ZHX3: variants seen among roughly 807,000 people sequenced by gnomAD.
ZHX3 encodes the protein zinc fingers and homeoboxes protein 3.
In ZHX3, 20 loss-of-function variants were observed where a neutral mutation model predicts 64.5. The ratio of observed to expected loss-of-function variants is 0.31; its 90% CI spans 0.22 to 0.45. ZHX3 has a LOEUF of 0.45. Ranked by LOEUF, ZHX3 falls within the 20% of genes least tolerant of loss-of-function variation. The probability of loss-of-function intolerance (pLI) is 1.00; values close to 1 mark genes in which losing one functional copy is unlikely to be tolerated. For synonymous variants in ZHX3, 423 were observed against 461.6 expected, an observed-to-expected ratio of 0.92 and a Z score of 1.07; for missense variants, 1,041 against 1,195.8, an observed-to-expected ratio of 0.87 and a Z score of 1.91.
chr20:41,314,489 A>G (rs2045232981), intron 1 of ZHX3, among the ~76,000 whole-genome samples: 1 of 152,212 alleles, frequency 6.6e-6, no homozygotes, highest in Non-Finnish European at 1.5e-5. Flanking sequence ...AAACCCCACT[A>G]TGCTCTTGAG....
chr20:41,229,643 T>C (rs1417517721), intron 2 of ZHX3, among the ~76,000 whole-genome samples: 1 of 152,182 alleles, frequency 6.6e-6, no homozygotes, highest in African/African-American at 2.4e-5. Flanking sequence ...TTGATTTGTA[T>C]TGCCTAATTA....
chr20:41,293,519 G>A (rs1057036616), intron 1 of ZHX3, among the ~76,000 whole-genome samples: 1 of 151,902 alleles, frequency 6.6e-6, no homozygotes, highest in Non-Finnish European at 1.5e-5. Flanking sequence ...AGCTGATCAC[G>A]TAAAAGAATA....
intron 3 of ZHX3, among the ~76,000 whole-genome samples, chr20:41,191,097 C>T (rs1231209434): frequency 6.6e-6 from 1 of 152,160 alleles, no homozygotes; most frequent in Non-Finnish European, 1.5e-5. Flanking sequence ...AAGTTTTCAC[C>T]TATTAATATT....
chr20:41,315,080 A>AAC (rs1428497470), intron 1 of ZHX3, among the ~76,000 whole-genome samples: 2 of 152,354 alleles, frequency 1.3e-5, no homozygotes, highest in African/African-American at 4.8e-5. Flanking sequence ...CAGACAACCT[A>AAC]ACTTTTGAGC....
At chr20:41,263,283 G>A (rs1232440191) in intron 2 of ZHX3, among the ~76,000 whole-genome samples, 1 of 151,720 alleles carries the variant, frequency 6.6e-6, no homozygotes, top group Non-Finnish European at 1.5e-5. Flanking sequence ...AGAAATTATA[G>A]ACCACGAAAA....
chr20:41,209,521 A>T (rs1333133144), intron 2 of ZHX3, among the ~76,000 whole-genome samples: 3 of 152,222 alleles, frequency 2.0e-5, no homozygotes, highest in African/African-American at 7.2e-5. Flanking sequence ...AACAGAACAG[A>T]GCCCTCGGAA....
Position 41,204,245 on chromosome 20 carries a change from C to T in ZHX3, c.672G>A (p.Glu224=). 6.2e-7 allele frequency: 1 copy of T among 1,614,082 alleles called. No individual in the cohort carries two copies. The highest frequency in any genetic ancestry group is 2.2e-5 in the East Asian group (1 of 44,878). ...TGAAGGAATGGTCCCCCTCTCTCAC[C>T]TCCATTTCTCCAGTCGACAGCTTTG... The part of the protein sequence containing the change: ...ALPKLSTGEM[E]VREGDHSFIN... The change falls in exon 3 of 4, where the codon GAG becomes GAA. Residue 224 remains glutamate (E), a synonymous_variant. Coordinates refer to ENST00000683867, the MANE Select transcript of ZHX3 (RefSeq NM_001384317.1). This position sits in a 1 kb window ranked among gnomAD's most constrained non-coding sequence, Gnocchi z 6.6.
intron 2 of ZHX3, among the ~76,000 whole-genome samples, chr20:41,210,501 G>A (rs1407602220): frequency 6.6e-6 from 1 of 152,160 alleles, no homozygotes; most frequent in African/African-American, 2.4e-5. Flanking sequence ...TATACACCAT[G>A]GAATACTATG....
chr20:41,241,556 T>C (rs1346193310), intron 2 of ZHX3, among the ~76,000 whole-genome samples: 3 of 152,218 alleles, frequency 2.0e-5, no homozygotes, highest in African/African-American at 7.2e-5. Context: ...CCTGTGCTTG[T>C]CCAGGTATTA....
intron 3 of ZHX3, among the ~76,000 whole-genome samples, chr20:41,199,892 G>T (rs562216635): frequency 2.6e-5 from 4 of 152,032 alleles, no homozygotes; most frequent in African/African-American, 9.6e-5. Context: ...ATAGAGACAG[G>T]GTTTTACCAT....
intron 2 of ZHX3, among the ~76,000 whole-genome samples, chr20:41,215,211 C>G (rs2039432272): frequency 6.6e-6 from 1 of 151,872 alleles, no homozygotes; most frequent in Non-Finnish European, 1.5e-5. Context: ...GAGCCAAGAT[C>G]GCACCACTGC....
chr20:41,253,611 G>A (rs751786914), intron 2 of ZHX3, among the ~76,000 whole-genome samples: 3 of 152,046 alleles, frequency 2.0e-5, no homozygotes, highest in Non-Finnish European at 4.4e-5. Flanking sequence ...GAAACTTTCT[G>A]GGTAATGATA....
At chr20:41,305,334 A>T (rs1045666327) in intron 1 of ZHX3, among the ~76,000 whole-genome samples, 3 of 152,154 alleles carry the variant, frequency 2.0e-5, no homozygotes, top group Admixed American at 1.3e-4. Context: ...CTCTACAAAA[A>T]ATACAAAAAT....
At chr20:41,273,731 T>G (rs2043256429) in intron 1 of ZHX3, among the ~76,000 whole-genome samples, 1 of 152,204 alleles carries the variant, frequency 6.6e-6, no homozygotes, top group Non-Finnish European at 1.5e-5. Flanking sequence ...TTATACCTAT[T>G]TTGATTATTG....
chr20:41,313,886 A>G (rs2425461), intron 1 of ZHX3, among the ~76,000 whole-genome samples: 148,646 of 152,272 alleles, frequency 0.98, 72,582 homozygotes, highest in East Asian at 1. Context: ...ATGAGCCACC[A>G]CGCCCAGCCT....
intron 1 of ZHX3, 73 bp downstream of exon 1, chr20:41,317,436 G>C (rs2045320731): frequency 6.6e-6 from 1 of 151,474 alleles, no homozygotes; most frequent in African/African-American, 2.4e-5. Flanking sequence ...CTGACAGGCA[G>C]AGAGAGATAC....
chr20:41,282,580 G>A (rs1336899101), intron 1 of ZHX3, among the ~76,000 whole-genome samples: 4 of 151,968 alleles, frequency 2.6e-5, no homozygotes, highest in Admixed American at 1.3e-4. Context: ...GGCTGTTCTC[G>A]AACTCCTGAC....
At chr20:41,292,224 A>G (rs1052690204) in intron 1 of ZHX3, among the ~76,000 whole-genome samples, 8 of 152,184 alleles carry the variant, frequency 5.3e-5, no homozygotes, top group African/African-American at 1.9e-4. Context: ...GTCTAGTTAC[A>G]GGATTCAACT....
At chr20:41,310,472 C>T (rs2045098196) in intron 1 of ZHX3, among the ~76,000 whole-genome samples, 1 of 152,088 alleles carries the variant, frequency 6.6e-6, no homozygotes, top group Non-Finnish European at 1.5e-5. Context: ...CCAGATATTC[C>T]AACATGCGAG....
Sources: allele counts gnomAD v4.1 joint callset (sites outside exome capture counted in the v4.1 genomes callset), GRCh38; gene constraint gnomAD v4.1.1; non-coding constraint Gnocchi (gnomAD v3.1); transcripts MANE v1.5; gene names NCBI Gene and HGNC (gene_info 2026-07-23, HGNC 2026-07-21).